WDR86: variants seen among roughly 807,000 people sequenced by gnomAD.
The protein encoded by WDR86 is WD repeat-containing protein 86.
A neutral mutation model predicts 36.5 loss-of-function variants in WDR86; 30 were observed. The observed-to-expected ratio is 0.82, with a 90% confidence interval of 0.61 to 1.11. The LOEUF (loss-of-function observed/expected upper bound fraction) is 1.11, where lower values mean the gene tolerates loss of function less well. Ranked by LOEUF, WDR86 falls within the 50% of genes most tolerant of loss-of-function variation. The pLI, the probability that WDR86 is intolerant of heterozygous loss-of-function variation, is 0.00. For synonymous variants in WDR86, 255 were observed against 252.9 expected, an observed-to-expected ratio of 1.01 and a Z score of -0.08; for missense variants, 545 against 561.2, an observed-to-expected ratio of 0.97 and a Z score of 0.29.
At chr7:151,374,485 C>A, downstream of WDR86, 2 of 597,508 alleles carry the variant, frequency 3.3e-6, no homozygotes, top group East Asian at 5.6e-5. Flanking sequence ...TCCACACCAG[C>A]ACAGTCCACA....
chr7:151,410,112 A>C (rs1801106400), upstream of WDR86: 4 of 977,956 alleles, frequency 4.1e-6, no homozygotes, highest in Non-Finnish European at 4.9e-6. Context: ...CCCAGCCCCC[A>C]CCCCGCGCGC....
At chr7:151,374,083 C>CTGTT, downstream of WDR86, 1 of 1,548,570 alleles carries the variant, frequency 6.5e-7, no homozygotes, top group Non-Finnish European at 8.7e-7. Context: ...TGGGACTTTG[C>CTGTT]TGTTTTCCTA....
At chr7:151,393,440 C>T (rs554190452) in intron 3 of WDR86, among the ~76,000 whole-genome samples, 2 of 152,114 alleles carry the variant, frequency 1.3e-5, no homozygotes, top group African/African-American at 4.8e-5. Context: ...GGAGCGAACC[C>T]GGGGAATCCT....
the WDR86 span, among the ~76,000 whole-genome samples, chr7:151,369,657 A>C: frequency 6.6e-6 from 1 of 152,204 alleles, no homozygotes; most frequent in African/African-American, 2.4e-5. Flanking sequence ...GCAGTGAAAG[A>C]ACTGAGGTCT....
Position 151,409,262 on chromosome 7 carries a change from T to C in WDR86, c.163+165A>G. On this transcript the variant is annotated intron_variant, in intron 1 of 5. Coordinates refer to ENST00000334493, the MANE Select transcript of WDR86 (RefSeq NM_198285.3). The surrounding 1 kb of genome is among the most constrained non-coding windows in gnomAD (Gnocchi z 5.2). Reference sequence around the variant, plus strand: ...GACCTCACCCTGCCCTGCCGTGCGCTCAACAGCCAGATGCTGGGCCCAGAC... The same window carrying C: ...GACCTCACCCTGCCCTGCCGTGCGCCCAACAGCCAGATGCTGGGCCCAGAC... 1 of 1,197,770 alleles carries C rather than the reference T, an allele frequency of 8.3e-7. No individual in the cohort carries two copies. Among genetic ancestry groups the C allele is most frequent in the East Asian group, 2.7e-5 (1 of 36,662 alleles). The allele number at this position is 1,197,770 out of a possible 1,614,324, so 74.2% of individuals were successfully genotyped here.
At position 151,381,822 on chromosome 7, in the gene WDR86, G is replaced by C. The variant is rs1798601514; in HGVS notation, c.966+56C>G. ...ACCGCTGCCCGCGTGGATGGATCGGGGCGGGGCACCTTCCCTCCCACGGGC... is the reference window on the plus strand; with the variant it reads ...ACCGCTGCCCGCGTGGATGGATCGGCGCGGGGCACCTTCCCTCCCACGGGC... On this transcript the variant is annotated intron_variant, in intron 5 of 5. Transcript: ENST00000334493. The surrounding 1 kb of genome is among the most constrained non-coding windows in gnomAD (Gnocchi z 4.8). The C allele has an allele frequency of 3.2e-6, 5 of 1,547,894 alleles. No individual in the cohort carries two copies. The highest frequency in any genetic ancestry group is 2.0e-5 in the Admixed American group (1 of 51,042).
chr7:151,404,711 G>A (rs543482094), intron 1 of WDR86, among the ~76,000 whole-genome samples: 2 of 152,258 alleles, frequency 1.3e-5, no homozygotes, highest in South Asian at 4.1e-4. Context: ...ATGCAGATAA[G>A]ATGCAGTTAT....
intron 4 of WDR86, among the ~76,000 whole-genome samples, chr7:151,382,220 C>T (rs1798648644): frequency 6.6e-6 from 1 of 152,238 alleles, no homozygotes; most frequent in Non-Finnish European, 1.5e-5. Flanking sequence ...TGAACACCGC[C>T]CGGGCCCAGT....
At chr7:151,393,221 A>G (rs549210558) in intron 3 of WDR86, among the ~76,000 whole-genome samples, 9 of 152,162 alleles carry the variant, frequency 5.9e-5, no homozygotes, top group African/African-American at 2.2e-4. Context: ...ACGTGTGTGC[A>G]TGTGTGCCTG....
chr7:151,371,257 C>G (rs899341801), downstream of WDR86, among the ~76,000 whole-genome samples: 1 of 152,124 alleles, frequency 6.6e-6, no homozygotes, highest in African/African-American at 2.4e-5. Flanking sequence ...GATTTATTGG[C>G]CGTTTACTTG....
intron 4 of WDR86, among the ~76,000 whole-genome samples, chr7:151,383,946 C>T (rs543993390): frequency 6.6e-6 from 1 of 152,374 alleles, no homozygotes; most frequent in East Asian, 1.9e-4. Flanking sequence ...GAGAGTGGAA[C>T]CTTCCTCGTG....
downstream of WDR86, chr7:151,376,530 C>T (rs556594689): frequency 1.4e-5 from 16 of 1,111,802 alleles, no homozygotes; most frequent in East Asian, 5.2e-5. Context: ...GTGCACACGC[C>T]GGGAGCTCTT....
chr7:151,377,089 C>T (rs868105409), downstream of WDR86: 1 of 1,578,776 alleles, frequency 6.3e-7, no homozygotes, highest in East Asian at 2.3e-5. Flanking sequence ...GAGACAGAGG[C>T]CGTCAATGAG....
intron 1 of WDR86, among the ~76,000 whole-genome samples, chr7:151,407,004 T>A (rs1800752464): frequency 6.6e-6 from 1 of 152,168 alleles, no homozygotes; most frequent in African/African-American, 2.4e-5. Context: ...ACAAAAGGAC[T>A]GTCACACACT....
At chr7:151,392,236 T>C (rs990563139) in intron 3 of WDR86, among the ~76,000 whole-genome samples, 1 of 151,846 alleles carries the variant, frequency 6.6e-6, no homozygotes. Context: ...GCCTGGGTCA[T>C]GTCCCTTCTC....
At position 151,401,065 on chromosome 7, in the gene WDR86, A is replaced by G. The variant is rs1226863885; in HGVS notation, c.164-824T>C. Among the ~76,000 whole-genome samples, 1 of 152,236 alleles carries G rather than the reference A, an allele frequency of 6.6e-6. No individual in the cohort carries two copies. Among genetic ancestry groups the G allele is most frequent in the Non-Finnish European group, 1.5e-5 (1 of 68,040 alleles). ...GAGCACCCAGAACATGCTTCCCAGC[A>G]ACCCCCTTGCCCACCTGCTCATGAA... is the stretch of plus-strand genomic sequence containing the variant. On this transcript the variant is annotated intron_variant, in intron 1 of 5. Coordinates refer to ENST00000334493, the MANE Select transcript of WDR86 (RefSeq NM_198285.3). The surrounding 1 kb of genome is among the most constrained non-coding windows in gnomAD (Gnocchi z 4.3).
In WDR86 at chr7:151,381,999, G is replaced by A. The variant is rs750219277; in HGVS notation, c.863-18C>T. ...CGTGAACACTGCGGACACACAGCGC[G>A]CGCTGGGCCTCCCTCCCTGCTCGGC... On this transcript the variant is annotated intron_variant, in intron 4 of 5. Transcript: ENST00000334493. This position sits in a 1 kb window ranked among gnomAD's most constrained non-coding sequence, Gnocchi z 4.8. The A allele has an allele frequency of 2.5e-6, 4 of 1,579,266 alleles. No individual in the cohort carries two copies. Among genetic ancestry groups the A allele is most frequent in the African/African-American group, 1.3e-5 (1 of 74,148 alleles).
At chr7:151,373,127 A>G (rs1203566084), downstream of WDR86, among the ~76,000 whole-genome samples, 2 of 152,138 alleles carry the variant, frequency 1.3e-5, no homozygotes, top group Non-Finnish European at 2.9e-5. Flanking sequence ...GCTGGGCAGG[A>G]GGCAGGATCA....
chr7:151,375,793 C>T, downstream of WDR86: 1 of 1,186,884 alleles, frequency 8.4e-7, no homozygotes. Context: ...CAGCGCCTGT[C>T]TGAATGTGTG....
Sources: allele counts gnomAD v4.1 joint callset (sites outside exome capture counted in the v4.1 genomes callset), GRCh38; gene constraint gnomAD v4.1.1; non-coding constraint Gnocchi (gnomAD v3.1); transcripts MANE v1.5; gene names NCBI Gene and HGNC (gene_info 2026-07-23, HGNC 2026-07-21).